Variants in KSR2 observed in about 807,000 individuals in gnomAD.
KSR2 encodes kinase suppressor of ras 2.
In KSR2, 25 loss-of-function variants were observed where a neutral mutation model predicts 107.8. The observed-to-expected ratio is 0.23, with a 90% confidence interval of 0.17 to 0.32. The LOEUF (loss-of-function observed/expected upper bound fraction) is 0.32. KSR2 is among the 10% of genes least tolerant of loss of function. The pLI is 1.00. For missense variants in KSR2, 887 were observed against 1,268.9 expected, an observed-to-expected ratio of 0.70 and a Z score of 4.57; for synonymous variants, 480 against 507.0, an observed-to-expected ratio of 0.95 and a Z score of 0.71.
chr12:117,837,672 G>A (rs1174201719), intron 3 of KSR2, among the ~76,000 whole-genome samples: 3 of 152,178 alleles, frequency 2.0e-5, no homozygotes, highest in African/African-American at 7.2e-5. Context: ...GAGCCACTGA[G>A]AGCATCCTGG....
At chr12:117,525,458 G>C (rs1244645602) in intron 13 of KSR2, among the ~76,000 whole-genome samples, 4 of 152,104 alleles carry the variant, frequency 2.6e-5, no homozygotes, top group Non-Finnish European at 5.9e-5. Context: ...CTAAATGGGG[G>C]GATACTGAGG....
chr12:117,521,531 CCTG>C lies in KSR2; in HGVS notation c.2219+3318_2219+3320del, dbSNP rs151251744. The stretch of plus-strand genomic sequence containing the variant: ...CCCAATTGTGAAACAATTTAGCAAT[CCTG>C]CTGCTAATAGCATTTGCGGCTATAG... On this transcript the variant is annotated intron_variant, in intron 14 of 19. Coordinates refer to ENST00000339824, the MANE Select transcript of KSR2 (RefSeq NM_173598.6). Among the ~76,000 whole-genome samples, 896 of 152,342 alleles carry C rather than the reference CCTG, an allele frequency of 5.9e-3. 6 individuals are homozygous for C. The highest frequency in any genetic ancestry group is 0.02 in the African/African-American group (845 of 41,576).
At chr12:117,640,314 G>C (rs2393246) in intron 5 of KSR2, among the ~76,000 whole-genome samples, 25,077 of 151,636 alleles carry the variant, frequency 0.17, 2,155 homozygotes, top group Middle Eastern at 0.23. Flanking sequence ...GCAGTGGCGC[G>C]ATCTCAGCTC....
Position 117,464,723 on chromosome 12 carries a change from G to C in KSR2, c.*2476C>G, listed in dbSNP as rs1048605237. 1 of 152,376 alleles carries C rather than the reference G, an allele frequency of 6.6e-6. No homozygotes were observed. Among genetic ancestry groups the C allele is most frequent in the African/African-American group, 2.4e-5 (1 of 41,440 alleles). 9.4% of individuals were successfully genotyped at this position (152,376 alleles called of 1,614,324 possible). On this transcript the variant is annotated 3_prime_UTR_variant, in exon 20 of 20. Transcript: ENST00000339824. Reference sequence around the variant, plus strand: ...TGCAGCAGAGACCAATGCAGGTGGGGACAGAGTAGTGAAGTGGGGAAAGAT... The same window carrying C: ...TGCAGCAGAGACCAATGCAGGTGGGCACAGAGTAGTGAAGTGGGGAAAGAT...
chr12:117,863,724 C>T (rs1257678228), intron 1 of KSR2, among the ~76,000 whole-genome samples: 3 of 152,114 alleles, frequency 2.0e-5, no homozygotes, highest in Non-Finnish European at 2.9e-5. Context: ...ATCAGTCTCA[C>T]GGGGCTAAAG....
chr12:117,541,964 T>C (rs1176604577), intron 9 of KSR2, among the ~76,000 whole-genome samples: 2 of 152,138 alleles, frequency 1.3e-5, no homozygotes, highest in African/African-American at 2.4e-5. Flanking sequence ...CGGCTCACTG[T>C]AGCCTCAGCC....
At chr12:117,848,052 T>TA (rs753100976) in intron 3 of KSR2, among the ~76,000 whole-genome samples, 1 of 152,160 alleles carries the variant, frequency 6.6e-6, no homozygotes, top group Non-Finnish European at 1.5e-5. Context: ...ATATTCGTTT[T>TA]AAAAAAGGAA....
intron 5 of KSR2, among the ~76,000 whole-genome samples, chr12:117,659,361 G>A (rs772272072): frequency 2.2e-4 from 33 of 152,316 alleles, no homozygotes; most frequent in Middle Eastern, 6.8e-3. Context: ...GCAGGGACAA[G>A]AGAAGACTGA....
At chr12:117,816,698 C>T (rs1054941446) in intron 3 of KSR2, among the ~76,000 whole-genome samples, 2 of 152,184 alleles carry the variant, frequency 1.3e-5, no homozygotes, top group African/African-American at 4.8e-5. Context: ...ATCCTCAGTG[C>T]ACAGCACAGA....
chr12:117,726,176 C>A (rs538020592), intron 4 of KSR2, among the ~76,000 whole-genome samples: 16 of 151,774 alleles, frequency 1.1e-4, no homozygotes, highest in Middle Eastern at 3.4e-3. Context: ...TCAAAAAAAA[C>A]ATAAAATAAA....
rs1652608937 is a variant in KSR2, at chr12:117,714,491, C to T, written c.986+46520G>A. On this transcript the variant is annotated intron_variant, in intron 4 of 19. Coordinates refer to ENST00000339824, the MANE Select transcript of KSR2 (RefSeq NM_173598.6). ...GCCATAGGGAGAGAAAGAAATGACA[C>T]TGGCAGAGAACCTATTTTGTGCCTG... Among the ~76,000 whole-genome samples, 5 of 152,164 alleles carry T rather than the reference C, an allele frequency of 3.3e-5. No individual in the cohort carries two copies. In the South Asian group the frequency reaches 1.0e-3, roughly 31 times the overall value.
intron 3 of KSR2, among the ~76,000 whole-genome samples, chr12:117,783,702 G>T (rs1053102189): frequency 6.6e-6 from 1 of 152,122 alleles, no homozygotes; most frequent in Non-Finnish European, 1.5e-5. Context: ...TGTCAGTTTT[G>T]GCCAAAAGTT....
intron 4 of KSR2, among the ~76,000 whole-genome samples, chr12:117,741,106 G>C (rs1223252093): frequency 6.6e-6 from 1 of 152,164 alleles, no homozygotes; most frequent in African/African-American, 2.4e-5. Flanking sequence ...GGATGCAGTG[G>C]CCAGCTAGAA....
intron 3 of KSR2, among the ~76,000 whole-genome samples, chr12:117,766,715 C>T (rs1191626418): frequency 1.3e-5 from 2 of 151,798 alleles, no homozygotes; most frequent in Non-Finnish European, 2.9e-5. Flanking sequence ...GCACCTAAGC[C>T]CAGAACTTGA....
intron 1 of KSR2, among the ~76,000 whole-genome samples, chr12:117,947,084 C>G (rs897722418): frequency 6.6e-6 from 1 of 151,694 alleles, no homozygotes; most frequent in African/African-American, 2.4e-5. Flanking sequence ...AAGAGAATCA[C>G]TTGAACCCAG....
chr12:117,747,518 T>C (rs1305009408), intron 4 of KSR2, among the ~76,000 whole-genome samples: 1 of 152,000 alleles, frequency 6.6e-6, no homozygotes, highest in Admixed American at 6.6e-5. Context: ...GGTTGATAGG[T>C]GCAGCAAACC....
intron 1 of KSR2, among the ~76,000 whole-genome samples, chr12:117,877,332 A>T (rs373674772): frequency 7.2e-5 from 11 of 152,234 alleles, no homozygotes; most frequent in East Asian, 5.8e-4. Context: ...GTAAGACTCC[A>T]TCTCAAAAAA....
At chr12:117,933,033 A>G (rs540794313) in intron 1 of KSR2, among the ~76,000 whole-genome samples, 1 of 151,972 alleles carries the variant, frequency 6.6e-6, no homozygotes, top group Admixed American at 6.6e-5. Flanking sequence ...AATAAATAAA[A>G]ACAAAAAGAT....
intron 1 of KSR2, among the ~76,000 whole-genome samples, chr12:117,954,572 A>G (rs942832980): frequency 6.6e-6 from 1 of 152,206 alleles, no homozygotes; most frequent in African/African-American, 2.4e-5. Context: ...CTCAGCTAAC[A>G]TTTACTGAAT....
Sources: allele counts gnomAD v4.1 joint callset (sites outside exome capture counted in the v4.1 genomes callset), GRCh38; gene constraint gnomAD v4.1.1; transcripts MANE v1.5; gene names NCBI Gene and HGNC (gene_info 2026-07-23, HGNC 2026-07-21).